The following RFX2 variants were observed in gnomAD, a reference collection of about 807,000 sequenced individuals.
RFX2 encodes the protein DNA-binding protein RFX2.
In RFX2, 20 loss-of-function variants were observed where a neutral mutation model predicts 87.8. The observed-to-expected ratio is 0.23, with a 90% CI of 0.16 to 0.33. RFX2 has a LOEUF of 0.33. RFX2 is among the 10% of genes least tolerant of loss of function. RFX2 has a pLI of 1.00. For synonymous variants in RFX2, 397 were observed against 431.3 expected (o/e 0.92, Z 0.98); for missense variants, 767 against 1,012.3 (o/e 0.76, Z 3.29).
chr19:6,024,073 C>T lies in RFX2; in HGVS notation c.597+2090G>A, dbSNP rs948851851. Among the ~76,000 whole-genome samples, 1 of 152,170 alleles carries T rather than the reference C, an allele frequency of 6.6e-6. No individual in the cohort carries two copies. The highest frequency in any genetic ancestry group is 2.4e-5 in the African/African-American group (1 of 41,428). ...GGGATTACAGGCGTGAGCCACCGTG[C>T]CCAGCCCATTTTCCCATAGACATTT... is the stretch of plus-strand genomic sequence containing the variant. On this transcript the variant is annotated intron_variant, in intron 6 of 17. Coordinates refer to ENST00000303657, the MANE Select transcript of RFX2 (RefSeq NM_000635.4). The surrounding 1 kb of genome is among the most constrained non-coding windows in gnomAD (Gnocchi z 5.0).
At chr19:6,105,544 C>T (rs2088203997) in intron 1 of RFX2, among the ~76,000 whole-genome samples, 1 of 152,006 alleles carries the variant, frequency 6.6e-6, no homozygotes, top group Non-Finnish European at 1.5e-5. Flanking sequence ...CGGAGGGTTT[C>T]GAGCTGAGGG....
At chr19:6,071,316 G>A (rs1031264508) in intron 1 of RFX2, among the ~76,000 whole-genome samples, 1 of 152,212 alleles carries the variant, frequency 6.6e-6, no homozygotes, top group African/African-American at 2.4e-5. Flanking sequence ...CTCCAGACAA[G>A]GAATGGACTC....
At chr19:6,038,106 C>T (rs1442410241) in intron 5 of RFX2, among the ~76,000 whole-genome samples, 2 of 152,020 alleles carry the variant, frequency 1.3e-5, no homozygotes. Flanking sequence ...GTGAGCAGAT[C>T]ACTTGAGGTC....
rs905628634 is a variant in RFX2, at chr19:6,047,851, T to C, written c.-8-347A>G. On this transcript the variant is annotated intron_variant, in intron 1 of 17. Coordinates refer to ENST00000303657, the MANE Select transcript of RFX2 (RefSeq NM_000635.4). This position sits in a 1 kb window ranked among gnomAD's most constrained non-coding sequence, Gnocchi z 4.2. ...TGAAGGGCTCAATTGTTTCCTCATT[T>C]ACCCAGAAATCAAAAGCTCTGGGTG... Among the ~76,000 whole-genome samples the C allele has an allele frequency of 1.3e-5, 2 of 152,236 alleles. No homozygotes were observed. The highest frequency in any genetic ancestry group is 4.8e-5 in the African/African-American group (2 of 41,470).
chr19:6,036,346 C>T (rs529812196), intron 5 of RFX2, among the ~76,000 whole-genome samples: 2 of 152,166 alleles, frequency 1.3e-5, no homozygotes, highest in Admixed American at 6.5e-5. Context: ...TGACTCCTCC[C>T]GAGAAGAGAG....
chr19:6,058,940 G>A (rs950457842), intron 1 of RFX2, among the ~76,000 whole-genome samples: 2 of 151,816 alleles, frequency 1.3e-5, no homozygotes, highest in African/African-American at 2.4e-5. Flanking sequence ...AGGGACCCCC[G>A]TCTTAACAGT....
intron 5 of RFX2, among the ~76,000 whole-genome samples, chr19:6,029,832 T>C (rs2086933909): frequency 6.6e-6 from 1 of 152,184 alleles, no homozygotes; most frequent in African/African-American, 2.4e-5. Flanking sequence ...GAAAGTATAA[T>C]AGCTGGAATG....
chr19:6,019,591 T>TAC (rs1354221793), intron 6 of RFX2, among the ~76,000 whole-genome samples: 2 of 147,622 alleles, frequency 1.4e-5, no homozygotes, highest in Non-Finnish European at 3.0e-5. Context: ...CAGGGATATA[T>TAC]ATATATATAT....
chr19:6,035,908 G>A (rs1028736044), intron 5 of RFX2, among the ~76,000 whole-genome samples: 6 of 148,654 alleles, frequency 4.0e-5, no homozygotes, highest in South Asian at 2.2e-4. Context: ...GCCTATTCAC[G>A]GATTTCTAAT....
chr19:6,058,039 T>G (rs2087370408), intron 1 of RFX2, among the ~76,000 whole-genome samples: 1 of 152,226 alleles, frequency 6.6e-6, no homozygotes, highest in Non-Finnish European at 1.5e-5. Flanking sequence ...ACCATGTCCT[T>G]TCTGGCACCA....
intron 1 of RFX2, among the ~76,000 whole-genome samples, chr19:6,071,084 C>T (rs1427139954): frequency 2.0e-5 from 3 of 152,208 alleles, no homozygotes; most frequent in Non-Finnish European, 2.9e-5. Flanking sequence ...TCTTTCCACA[C>T]TCGAGTATTA....
Position 6,020,254 on chromosome 19 carries a change from T to A in RFX2, c.598-3983A>T, listed in dbSNP as rs1236530325. The A allele has an allele frequency of 1.3e-5, 2 of 152,260 alleles. No individual in the cohort carries two copies. Among genetic ancestry groups the A allele is most frequent in the African/African-American group, 4.8e-5 (2 of 41,450 alleles). 9.4% of individuals were successfully genotyped at this position (152,260 alleles called of 1,614,324 possible). A position where few individuals can be genotyped will look rare whatever the true frequency, so the allele number is the denominator to read the frequency against. ...CATAAAAAGAAAGTTTTGGAACAGATGATCCTTCTGCTGTTTACCCCCGAA... is the reference window on the plus strand; with the variant it reads ...CATAAAAAGAAAGTTTTGGAACAGAAGATCCTTCTGCTGTTTACCCCCGAA... On this transcript the variant is annotated intron_variant, in intron 6 of 17. Coordinates refer to ENST00000303657, the MANE Select transcript of RFX2 (RefSeq NM_000635.4). The surrounding 1 kb of genome is among the most constrained non-coding windows in gnomAD (Gnocchi z 5.3).
At position 6,083,355 on chromosome 19, in the gene RFX2, C is replaced by G. The variant is rs1156566060; in HGVS notation, c.-9+27038G>C. On this transcript the variant is annotated intron_variant, in intron 1 of 17. Coordinates refer to ENST00000303657, the MANE Select transcript of RFX2 (RefSeq NM_000635.4). This position sits in a 1 kb window ranked among gnomAD's most constrained non-coding sequence, Gnocchi z 4.6. Reference sequence around the variant, plus strand: ...CTCACTGCCTCATGCTAGTTCTGACCCTGGTGCTGGTGCTGTTCCAATAAA... The same window carrying G: ...CTCACTGCCTCATGCTAGTTCTGACGCTGGTGCTGGTGCTGTTCCAATAAA... Among the ~76,000 whole-genome samples, 1 of 152,068 alleles carries G rather than the reference C, an allele frequency of 6.6e-6. No individual in the cohort carries two copies. The highest frequency in any genetic ancestry group is 1.5e-5 in the Non-Finnish European group (1 of 68,026).
In RFX2 at chr19:6,063,876, C is replaced by T. The variant is rs2087474350; in HGVS notation, c.-8-16372G>A. Among the ~76,000 whole-genome samples the T allele has an allele frequency of 6.6e-6, 1 of 152,206 alleles. No homozygotes were observed. Among genetic ancestry groups the T allele is most frequent in the African/African-American group, 2.4e-5 (1 of 41,456 alleles). On this transcript the variant is annotated intron_variant, in intron 1 of 17. Transcript: ENST00000303657. This position sits in a 1 kb window ranked among gnomAD's most constrained non-coding sequence, Gnocchi z 4.0. The stretch of plus-strand genomic sequence containing the variant: ...GTCTCCAGACATCGCCCAGTGTCCC[C>T]TGGGGGCAGGACCACCCCCATGGAG...
intron 1 of RFX2, among the ~76,000 whole-genome samples, chr19:6,100,926 A>C (rs1219154324): frequency 6.7e-6 from 1 of 148,694 alleles, no homozygotes; most frequent in Non-Finnish European, 1.5e-5. Flanking sequence ...ATTTTTACTC[A>C]CCCGCGTCTG....
chr19:6,062,593 A>G (rs922308842), intron 1 of RFX2, among the ~76,000 whole-genome samples: 2 of 152,208 alleles, frequency 1.3e-5, no homozygotes, highest in Non-Finnish European at 2.9e-5. Flanking sequence ...CCCCAACCCC[A>G]TGCCAAAGAG....
chr19:6,059,609 CTCTGTCCCCCAGGAGTGGATA>C (rs921709768), intron 1 of RFX2, among the ~76,000 whole-genome samples: 10 of 152,262 alleles, frequency 6.6e-5, no homozygotes, highest in African/African-American at 2.4e-4. Context: ...GCAGCTGGTG[CTCTGTCCCCCAGGAGTGGATA>C]TCTGTCCCCC....
rs2086650264 is a variant in RFX2 at position 6,010,799 on chromosome 19, T to C, written c.900-548A>G. Among the ~76,000 whole-genome samples, 1 of 152,170 alleles carries C rather than the reference T, an allele frequency of 6.6e-6. No individual in the cohort carries two copies. The highest frequency in any genetic ancestry group is 2.4e-5 in the African/African-American group (1 of 41,444). ...AGAAAATAGATATATATTTTCCCCC[T>C]AACATTTCTCTCTTAGAAAAAAAAG... is the stretch of plus-strand genomic sequence containing the variant. On this transcript the variant is annotated intron_variant, in intron 8 of 17. Coordinates refer to ENST00000303657, the MANE Select transcript of RFX2 (RefSeq NM_000635.4). The surrounding 1 kb of genome is among the most constrained non-coding windows in gnomAD (Gnocchi z 5.0).
intron 1 of RFX2, among the ~76,000 whole-genome samples, chr19:6,075,663 G>A (rs1292836823): frequency 2.6e-5 from 4 of 152,154 alleles, no homozygotes; most frequent in Non-Finnish European, 5.9e-5. Context: ...CGTGGTCTGG[G>A]GAGAGACAAG....
Sources: gnomAD v4.1 joint callset for allele counts (sites outside exome capture counted in the v4.1 genomes callset) on GRCh38, gnomAD v4.1.1 for gene constraint, Gnocchi (gnomAD v3.1) non-coding constraint, MANE v1.5 for transcripts, NCBI Gene and HGNC (gene_info 2026-07-23, HGNC 2026-07-21) for gene names.